The following SULT1E1 variants were observed in gnomAD, a reference collection of about 807,000 sequenced individuals.
SULT1E1 encodes sulfotransferase 1E1.
A neutral mutation model predicts 33.6 loss-of-function variants in SULT1E1; 36 were observed. The ratio of observed to expected loss-of-function variants is 1.07; its 90% CI spans 0.82 to 1.41. SULT1E1 has a LOEUF of 1.41. Among genes scored for constraint, SULT1E1 ranks in the 40% most tolerant of loss-of-function variants. The pLI is 0.00. For missense variants in SULT1E1, 371 were observed against 345.7 expected (o/e 1.07, Z -0.58); for synonymous variants, 121 against 111.7 (o/e 1.08, Z -0.53).
chr4:69,824,634 G>T, the SULT1E1 span, among the ~76,000 whole-genome samples: 2 of 152,140 alleles, frequency 1.3e-5, no homozygotes, highest in East Asian at 3.9e-4. Context: ...GCTAAAGGAT[G>T]GTAAATGCAC....
chr4:69,838,128 T>C (rs1427511998), downstream of SULT1E1, among the ~76,000 whole-genome samples: 1 of 152,112 alleles, frequency 6.6e-6, no homozygotes, highest in Non-Finnish European at 1.5e-5. Flanking sequence ...ATATTTCTTA[T>C]TTTATTGCTG....
downstream of SULT1E1, among the ~76,000 whole-genome samples, chr4:69,840,633 T>G (rs540938269): frequency 2.2e-4 from 34 of 152,344 alleles, no homozygotes; most frequent in Admixed American, 4.6e-4. Context: ...TATTTCAAAC[T>G]AGCTGAAGAT....
At chr4:69,834,140 T>G in the SULT1E1 span, among the ~76,000 whole-genome samples, 1 of 152,156 alleles carries the variant, frequency 6.6e-6, no homozygotes, top group Non-Finnish European at 1.5e-5. Context: ...CCTTCCAAGC[T>G]ACAAGCCTTC....
the SULT1E1 span, among the ~76,000 whole-genome samples, chr4:69,831,681 G>A: frequency 1.3e-5 from 2 of 152,094 alleles, no homozygotes; most frequent in African/African-American, 4.8e-5. Flanking sequence ...ATGTGCACTC[G>A]CTCTTTCTTT....
At chr4:69,848,163 G>A (rs1464494324) in intron 5 of SULT1E1, among the ~76,000 whole-genome samples, 1 of 151,318 alleles carries the variant, frequency 6.6e-6, no homozygotes, top group Admixed American at 6.6e-5. Context: ...GAAACTATCA[G>A]TGGTCTGATA....
At chr4:69,822,802 G>A in the SULT1E1 span, among the ~76,000 whole-genome samples, 3,887 of 152,074 alleles carry the variant, frequency 0.026, 153 homozygotes, top group Admixed American at 0.096. Flanking sequence ...CCCCTCGACC[G>A]TTGTATTTGT....
chr4:69,834,470 C>T, the SULT1E1 span, among the ~76,000 whole-genome samples: 1 of 152,288 alleles, frequency 6.6e-6, no homozygotes, highest in Middle Eastern at 3.4e-3. Flanking sequence ...TAAACCATCA[C>T]TTCAATTGCC....
At chr4:69,855,772 T>C (rs1326598224) in intron 2 of SULT1E1, among the ~76,000 whole-genome samples, 1 of 152,280 alleles carries the variant, frequency 6.6e-6, no homozygotes, top group Admixed American at 6.5e-5. Context: ...CAATCAAAAA[T>C]TTTACTGATG....
chr4:69,843,575 A>G (rs1436281788), intron 7 of SULT1E1, among the ~76,000 whole-genome samples: 1 of 152,178 alleles, frequency 6.6e-6, no homozygotes, highest in African/African-American at 2.4e-5. Flanking sequence ...TGCTCTGAAT[A>G]TCTGAATATC....
chr4:69,845,601 A>G (rs1447010952), intron 6 of SULT1E1, among the ~76,000 whole-genome samples: 1 of 151,304 alleles, frequency 6.6e-6, no homozygotes, highest in Non-Finnish European at 1.5e-5. Flanking sequence ...ATATATAGTG[A>G]TAATGTCTTG....
the SULT1E1 span, among the ~76,000 whole-genome samples, chr4:69,830,493 C>T: frequency 6.6e-6 from 1 of 152,242 alleles, no homozygotes; most frequent in Non-Finnish European, 1.5e-5. Context: ...TCATCTGCTC[C>T]TTGGAGCACC....
chr4:69,845,704 T>A (rs1421812783), intron 6 of SULT1E1, among the ~76,000 whole-genome samples: 1 of 151,396 alleles, frequency 6.6e-6, no homozygotes, highest in Non-Finnish European at 1.5e-5. Context: ...AACCTAAACA[T>A]GGCTATTATT....
chr4:69,856,691 T>C (rs931622927), intron 2 of SULT1E1, among the ~76,000 whole-genome samples: 1 of 151,794 alleles, frequency 6.6e-6, no homozygotes, highest in Non-Finnish European at 1.5e-5. Context: ...TCCCAGCACT[T>C]TGGGAGGCCG....
At chr4:69,838,002 T>TTTGG (rs1461110318), downstream of SULT1E1, among the ~76,000 whole-genome samples, 1 of 152,156 alleles carries the variant, frequency 6.6e-6, no homozygotes, top group Non-Finnish European at 1.5e-5. Flanking sequence ...TTTGTATGAG[T>TTTGG]TTGGTAGTAT....
At chr4:69,844,046 C>A (rs1720929397) in intron 7 of SULT1E1, 115 bp downstream of exon 7, 12 of 882,536 alleles carry the variant, frequency 1.4e-5, no homozygotes, top group Non-Finnish European at 2.2e-5. Context: ...TGAAAGACTG[C>A]TGAAGAAAAC....
At chr4:69,836,020 G>A in the SULT1E1 span, among the ~76,000 whole-genome samples, 2 of 152,080 alleles carry the variant, frequency 1.3e-5, no homozygotes, top group Admixed American at 6.6e-5. Flanking sequence ...TTTCATAAAA[G>A]GAATGATTTA....
downstream of SULT1E1, among the ~76,000 whole-genome samples, chr4:69,839,983 T>C (rs917821050): frequency 1.3e-5 from 2 of 152,228 alleles, no homozygotes; most frequent in Admixed American, 6.5e-5. Context: ...ACGTCAATTA[T>C]AATGTGGGCA....
chr4:69,853,006 C>T lies in SULT1E1; in HGVS notation c.369+1211G>A, dbSNP rs115500919. On this transcript the variant is annotated intron_variant, in intron 4 of 7. Coordinates refer to ENST00000226444, the MANE Select transcript of SULT1E1 (RefSeq NM_005420.3). ...TATGCATGGAATGACTTCAGCAGGA[C>T]GTATATCGTCTATCTAGGATTGCTA... 6.0e-3 allele frequency among the ~76,000 whole-genome samples: 920 copies of T among 152,172 alleles called. 8 individuals are homozygous for T. Among genetic ancestry groups the T allele is most frequent in the African/African-American group, 0.021 (862 of 41,512 alleles).
In SULT1E1 at chr4:69,850,788, T is replaced by C. The variant is rs78163078; in HGVS notation, c.370-1225A>G. 5.8e-3 allele frequency among the ~76,000 whole-genome samples: 882 copies of C among 152,200 alleles called. 19 individuals carry two copies. In the East Asian group the frequency reaches 0.061, roughly 10 times the overall value. ...TTATAGCTTGCCTTCTGGTCCTCCA[T>C]GAGGCTTTTTATTTTCCCAGATAGA... is the stretch of plus-strand genomic sequence containing the variant. On this transcript the variant is annotated intron_variant, in intron 4 of 7. Coordinates refer to ENST00000226444, the MANE Select transcript of SULT1E1 (RefSeq NM_005420.3).
Sources: allele counts gnomAD v4.1 joint callset (sites outside exome capture counted in the v4.1 genomes callset), GRCh38; gene constraint gnomAD v4.1.1; transcripts MANE v1.5; gene names NCBI Gene and HGNC (gene_info 2026-07-23, HGNC 2026-07-21).